The following FAM107B variants were observed in gnomAD, a reference collection of about 807,000 sequenced individuals.
The protein encoded by FAM107B is protein FAM107B.
Under a neutral mutation model 31.5 loss-of-function variants are expected in FAM107B, and 21 were observed. The observed-to-expected ratio is 0.67, with a 90% CI of 0.47 to 0.96. FAM107B has a LOEUF of 0.96. Ranked by LOEUF, FAM107B falls within the 40% of genes least tolerant of loss-of-function variation. The probability of loss-of-function intolerance (pLI) is 0.00; values close to 1 mark genes in which losing one functional copy is unlikely to be tolerated. For missense variants in FAM107B, 452 were observed against 377.1 expected (o/e 1.20, Z -1.64); for synonymous variants, 157 against 141.5 (o/e 1.11, Z -0.78).
intron 2 of FAM107B, among the ~76,000 whole-genome samples, chr10:14,626,308 G>A (rs971980862): frequency 2.6e-5 from 4 of 152,006 alleles, no homozygotes; most frequent in African/African-American, 9.7e-5. Flanking sequence ...AACAATGCTG[G>A]TCTATATTTG....
At chr10:14,626,346 C>T (rs61842731) in intron 2 of FAM107B, among the ~76,000 whole-genome samples, 6,250 of 152,158 alleles carry the variant, frequency 0.041, 191 homozygotes, top group African/African-American at 0.087. Flanking sequence ...TTCAGTCAGA[C>T]TGTGCAATTG....
chr10:14,653,837 T>C (rs997598596), intron 2 of FAM107B: 3 of 152,188 alleles, frequency 2.0e-5, no homozygotes, highest in Admixed American at 2.0e-4. Context: ...TCCATAGCAA[T>C]GACCCCACAC....
chr10:14,569,936 A>G (rs1245868916), intron 2 of FAM107B, among the ~76,000 whole-genome samples: 1 of 152,236 alleles, frequency 6.6e-6, no homozygotes, highest in Non-Finnish European at 1.5e-5. Flanking sequence ...CCCGGAAACC[A>G]GAAACTAGGG....
At chr10:14,652,703 C>A (rs960618883) in intron 2 of FAM107B, 1 of 152,124 alleles carries the variant, frequency 6.6e-6, no homozygotes, top group Admixed American at 6.5e-5. Flanking sequence ...TCAAGGGTAG[C>A]GTGGATACCA....
Position 14,567,505 on chromosome 10 carries a change from T to C in FAM107B, c.470-36990A>G, listed in dbSNP as rs551953922. Among the ~76,000 whole-genome samples, 3 of 152,186 alleles carry C rather than the reference T, an allele frequency of 2.0e-5. No individual in the cohort carries two copies. The South Asian group carries it at 6.2e-4, about 32-fold the overall frequency. On this transcript the variant is annotated intron_variant, in intron 2 of 4. Coordinates refer to ENST00000181796, the MANE Select transcript of FAM107B (RefSeq NM_031453.4). ...AGGAAAATTTGATTTCCAGGCAGTG[T>C]TGAGGCCCTGGTGAGGCAGAGATCA...
Position 14,579,910 on chromosome 10 carries a change from T to C in FAM107B, c.470-49395A>G, listed in dbSNP as rs545085333. 7.6e-4 allele frequency among the ~76,000 whole-genome samples: 115 copies of C among 151,726 alleles called. 1 individual carries two copies. The highest frequency in any genetic ancestry group is 2.4e-3 in the Admixed American group (36 of 15,246). ...GATGGCAGGCACCTGCAGTCCCAGA[T>C]ACTTGGGAGGCTGAGGCAGAAGAAT... On this transcript the variant is annotated intron_variant, in intron 2 of 4. Coordinates refer to ENST00000181796, the MANE Select transcript of FAM107B (RefSeq NM_031453.4).
At chr10:14,608,271 C>T (rs1320073085) in intron 2 of FAM107B, among the ~76,000 whole-genome samples, 6 of 152,130 alleles carry the variant, frequency 3.9e-5, no homozygotes, top group African/African-American at 1.4e-4. Context: ...GAATCGTAAT[C>T]CATTCAAAAA....
chr10:14,767,055 T>TATATATATATATATATATAGAG (rs1440609298), intron 1 of FAM107B, among the ~76,000 whole-genome samples: 2 of 18,274 alleles, frequency 1.1e-4, no homozygotes, highest in Non-Finnish European at 2.2e-4. Flanking sequence ...TATATATATA[T>TATATATATATATATATATAGAG]AGAGAGAGAG....
intron 2 of FAM107B, among the ~76,000 whole-genome samples, chr10:14,594,915 T>C (rs980868823): frequency 2.0e-5 from 3 of 152,216 alleles, no homozygotes; most frequent in Admixed American, 6.5e-5. Context: ...GTATCTCTTA[T>C]GATAGATGAC....
chr10:14,571,710 A>G, intron 2 of FAM107B: 1 of 915,692 alleles, frequency 1.1e-6, no homozygotes, highest in Non-Finnish European at 1.3e-6. Flanking sequence ...CATTTTCTAG[A>G]GAAGGACTAC....
chr10:14,632,766 C>A (rs1416559898), intron 2 of FAM107B, among the ~76,000 whole-genome samples: 4 of 151,738 alleles, frequency 2.6e-5, no homozygotes, highest in Non-Finnish European at 4.4e-5. Flanking sequence ...GGGAGAGACA[C>A]GAGATGGCAC....
At chr10:14,726,740 C>T (rs1357952167) in intron 1 of FAM107B, among the ~76,000 whole-genome samples, 1 of 152,106 alleles carries the variant, frequency 6.6e-6, no homozygotes, top group Non-Finnish European at 1.5e-5. Flanking sequence ...GTGCCTTCCC[C>T]CCTAAAGAGT....
At chr10:14,548,502 G>T in intron 2 of FAM107B, 1 of 985,544 alleles carries the variant, frequency 1.0e-6, no homozygotes, top group Non-Finnish European at 1.2e-6. Flanking sequence ...GCTGGAGTTG[G>T]CCCAGGGCTG....
At chr10:14,568,896 C>T (rs548507418) in intron 2 of FAM107B, among the ~76,000 whole-genome samples, 23 of 152,178 alleles carry the variant, frequency 1.5e-4, no homozygotes, top group African/African-American at 5.5e-4. Flanking sequence ...ATCCCAGAAT[C>T]GTCGGCAACA....
chr10:14,676,875 G>T (rs895076361), intron 1 of FAM107B, among the ~76,000 whole-genome samples: 1 of 152,220 alleles, frequency 6.6e-6, no homozygotes. Flanking sequence ...GCTGTTGACA[G>T]ATAGCTCTCA....
chr10:14,650,393 C>G (rs1012939337), intron 2 of FAM107B, among the ~76,000 whole-genome samples: 2 of 152,018 alleles, frequency 1.3e-5, no homozygotes, highest in African/African-American at 4.8e-5. Context: ...TCAAGCAATT[C>G]TCCCACCTCA....
At chr10:14,744,254 A>G (rs1233421846) in intron 1 of FAM107B, among the ~76,000 whole-genome samples, 4 of 152,060 alleles carry the variant, frequency 2.6e-5, no homozygotes, top group Non-Finnish European at 4.4e-5. Flanking sequence ...TTGGGTGGAG[A>G]CAATGGGGTT....
intron 1 of FAM107B, among the ~76,000 whole-genome samples, chr10:14,751,768 G>C (rs566843917): frequency 2.2e-4 from 34 of 152,050 alleles, no homozygotes; most frequent in African/African-American, 8.0e-4. Context: ...TCTGTGTTCC[G>C]CAAGAGCTGC....
In FAM107B at chr10:14,520,732, G is replaced by C. The variant is rs918637976; in HGVS notation, c.*458C>G. 1 of 153,088 alleles carries C rather than the reference G, an allele frequency of 6.5e-6. No homozygotes were observed. The highest frequency in any genetic ancestry group is 2.4e-5 in the African/African-American group (1 of 41,466). 9.5% of individuals were successfully genotyped at this position (153,088 alleles called of 1,614,324 possible). A position where few individuals can be genotyped will look rare whatever the true frequency, so the allele number is the denominator to read the frequency against. On this transcript the variant is annotated 3_prime_UTR_variant, in exon 5 of 5. Transcript: ENST00000181796. ...CCTCAAAATTTACAGTGAGTGAACA[G>C]ATTAAACGCATTTCTAGGTGATCTC...
Sources: allele counts gnomAD v4.1 joint callset (sites outside exome capture counted in the v4.1 genomes callset), GRCh38; gene constraint gnomAD v4.1.1; transcripts MANE v1.5; gene names NCBI Gene and HGNC (gene_info 2026-07-23, HGNC 2026-07-21).